Variants in TKT observed in about 807,000 individuals in gnomAD.
The protein encoded by TKT is transketolase, also known as epididymis luminal protein 107.
TKT carries 47 observed loss-of-function variants against 63.9 expected under a neutral mutation model. The ratio of observed to expected loss-of-function variants is 0.74; its 90% CI spans 0.58 to 0.94. The LOEUF is 0.94. Ranked by LOEUF, TKT falls within the 40% of genes least tolerant of loss-of-function variation. The pLI, the probability that TKT is intolerant of heterozygous loss-of-function variation, is 0.00. For missense variants in TKT, 721 were observed against 846.2 expected (o/e 0.85, Z 1.84); for synonymous variants, 338 against 334.1 (o/e 1.01, Z -0.13).
At position 53,226,772 on chromosome 3, in the gene TKT, C is replaced by T. The variant is rs1408401898; in HGVS notation, c.1680G>A (p.Glu560=). The change falls in exon 13 of 14, where the codon GAG becomes GAA. Residue 560 remains glutamate, a synonymous_variant. Transcript: ENST00000462138. The part of the protein sequence containing the change: ...RATKGRILTV[E]DHYYEGGIGE... ...CCTCCTTACCTTCATAATAATGGTC[C>T]TCCACGGTGAGGATCCTGCCCTTGG... is the stretch of plus-strand genomic sequence containing the variant. 2 of 1,614,090 alleles carry T rather than the reference C, an allele frequency of 1.2e-6. No individual in the cohort carries two copies. The highest frequency in any genetic ancestry group is 1.7e-5 in the Admixed American group (1 of 59,990).
At chr3:53,233,444 G>A in intron 5 of TKT, 170 bp from the exon 6 acceptor site, 1 of 502,842 alleles carries the variant, frequency 2.0e-6, no homozygotes, top group Non-Finnish European at 3.5e-6. Flanking sequence ...TCCAGTTTGG[G>A]TTTTTTAAAT....
chr3:53,239,300 A>T (rs1705170473), intron 4 of TKT, among the ~76,000 whole-genome samples: 1 of 152,000 alleles, frequency 6.6e-6, no homozygotes, highest in African/African-American at 2.4e-5. Context: ...ATTATTCTTT[A>T]AAAAAAAGAA....
intron 1 of TKT, among the ~76,000 whole-genome samples, chr3:53,251,883 T>TA (rs1705762387): frequency 6.6e-6 from 1 of 152,098 alleles, no homozygotes; most frequent in African/African-American, 2.4e-5. Flanking sequence ...CTCACGCCTA[T>TA]AATCCCAGCA....
chr3:53,232,542 T>C (rs1704814345), intron 6 of TKT: 3 of 398,594 alleles, frequency 7.5e-6, no homozygotes, highest in Non-Finnish European at 4.4e-6. Flanking sequence ...ACTTGTAGTC[T>C]CATTTTCCCA....
At chr3:53,255,165 G>A (rs1422929283) in intron 1 of TKT, among the ~76,000 whole-genome samples, 4 of 152,176 alleles carry the variant, frequency 2.6e-5, no homozygotes, top group Non-Finnish European at 4.4e-5. Context: ...CAGCCCCGCC[G>A]CTGCCTGGCG....
At position 53,230,289 on chromosome 3, in the gene TKT, CTG is replaced by C. The variant is rs1157958793; in HGVS notation, c.1107+166_1107+167del. On this transcript the variant is annotated intron_variant, in intron 8 of 13. Transcript: ENST00000462138. Reference sequence around the variant, plus strand: ...TTGCACCTGGGCAGAACCTCCCAAACTGTGGCTGTTCAAGGTCAGGGGTTAAC... The same window carrying C: ...TTGCACCTGGGCAGAACCTCCCAAACTGGCTGTTCAAGGTCAGGGGTTAAC... Among the ~76,000 whole-genome samples, 10 of 152,374 alleles carry C rather than the reference CTG, an allele frequency of 6.6e-5. No individual in the cohort carries two copies. The East Asian group carries it at 1.5e-3, about 24-fold the overall frequency.
intron 1 of TKT, chr3:53,243,669 C>T (rs782105817): frequency 4.4e-6 from 2 of 454,938 alleles, no homozygotes; most frequent in African/African-American, 4.0e-5. Flanking sequence ...CCCTTTTCTG[C>T]CTGGCAGGGA....
At chr3:53,241,888 G>A (rs117602694) in intron 2 of TKT, 389 of 528,118 alleles carry the variant, frequency 7.4e-4, no homozygotes, top group East Asian at 4.0e-3. Flanking sequence ...GAGTTAAAGC[G>A]TTGTTTATGT....
intron 13 of TKT, 39 bp downstream of exon 13, chr3:53,226,717 C>T: frequency 1.2e-6 from 2 of 1,613,790 alleles, no homozygotes; most frequent in Non-Finnish European, 1.7e-6. Flanking sequence ...CTCTCTGGCC[C>T]TGTCCCTTGC....
chr3:53,233,373 A>G, intron 5 of TKT, 99 bp from the exon 6 acceptor site: 1 of 868,706 alleles, frequency 1.2e-6, no homozygotes, highest in Non-Finnish European at 1.7e-6. Context: ...GGGTCTGCCC[A>G]GGCTCCACCC....
chr3:53,251,237 C>A (rs1233300428), intron 1 of TKT, among the ~76,000 whole-genome samples: 2 of 152,226 alleles, frequency 1.3e-5, no homozygotes, highest in Non-Finnish European at 2.9e-5. Context: ...CCTTTTGAAT[C>A]AGGCCTGACT....
At chr3:53,253,348 AC>A (rs1705840403) in intron 1 of TKT, among the ~76,000 whole-genome samples, 1 of 151,472 alleles carries the variant, frequency 6.6e-6, no homozygotes, top group South Asian at 2.1e-4. Context: ...TCACTCTGTC[AC>A]CCATGCTGCA....
At chr3:53,248,675 T>C (rs956519829) in intron 1 of TKT, among the ~76,000 whole-genome samples, 1 of 149,602 alleles carries the variant, frequency 6.7e-6, no homozygotes, top group African/African-American at 2.4e-5. Context: ...TGTTACAACA[T>C]GGATGACCCT....
chr3:53,227,779 TCCA>T (rs1553675866), intron 12 of TKT: 1 of 373,632 alleles, frequency 2.7e-6, no homozygotes, highest in Admixed American at 4.4e-5. Context: ...GCTGGCAGGC[TCCA>T]GGCCACTGAT....
intron 5 of TKT, 25 bp downstream of exon 5, chr3:53,234,958 A>C (rs1553678137): frequency 6.3e-7 from 1 of 1,587,356 alleles, no homozygotes; most frequent in Non-Finnish European, 8.6e-7. Flanking sequence ...CTGTGACCAC[A>C]CTCAGGCCAC....
Position 53,240,253 on chromosome 3 carries a change from G to T in TKT, c.435C>A (p.Ala145=). Residue 145 remains alanine, a splice_region_variant and synonymous_variant, in exon 4 of 14, where the codon GCC becomes GCA. Coordinates refer to ENST00000462138, the MANE Select transcript of TKT (RefSeq NM_001064.4). ...GGGGTGGGGAGTAGGTGTGTTACCTGGCCTTGTCGAAGTATTTGCCGGTGT... is the reference window on the plus strand; with the variant it reads ...GGGGTGGGGAGTAGGTGTGTTACCTTGCCTTGTCGAAGTATTTGCCGGTGT... The part of the protein sequence containing the change: ...MAYTGKYFDK[A]SYRVYCLLGD... 1.2e-6 allele frequency: 2 copies of T among 1,612,270 alleles called. No individual in the cohort carries two copies. Among genetic ancestry groups the T allele is most frequent in the Non-Finnish European group, 1.7e-6 (2 of 1,178,664 alleles).
intron 4 of TKT, among the ~76,000 whole-genome samples, chr3:53,237,177 A>G (rs115990971): frequency 0.015 from 2,298 of 152,112 alleles, 20 homozygotes; most frequent in Middle Eastern, 0.037. Flanking sequence ...TGAGGTCAGG[A>G]GTTTGAGACT....
rs535040020 is a variant in TKT, at chr3:53,238,549, G to A, written c.437+1702C>T. On this transcript the variant is annotated intron_variant, in intron 4 of 13. Transcript: ENST00000462138. ...TCCTTCAAGGACCCACAGTCTTCCC[G>A]AACCCCACTATGGCACTTCTGCTGC... Among the ~76,000 whole-genome samples, 12 of 152,288 alleles carry A rather than the reference G, an allele frequency of 7.9e-5. 1 individual carries two copies. The highest frequency in any genetic ancestry group is 5.9e-4 in the Admixed American group (9 of 15,310).
chr3:53,232,464 G>A (rs1222140751), intron 6 of TKT: 2 of 398,834 alleles, frequency 5.0e-6, no homozygotes, highest in Middle Eastern at 6.2e-4. Context: ...CAGGGAAGCC[G>A]ACCCAGGCCC....
Sources: allele counts gnomAD v4.1 joint callset (sites outside exome capture counted in the v4.1 genomes callset), GRCh38; gene constraint gnomAD v4.1.1; transcripts MANE v1.5; gene names NCBI Gene and HGNC (gene_info 2026-07-23, HGNC 2026-07-21).